Variants in SMOC2 observed in about 807,000 individuals in gnomAD.
SMOC2 encodes the protein SPARC-related modular calcium-binding protein 2.
In SMOC2, 39 loss-of-function variants were observed where a neutral mutation model predicts 61.4. That is an observed-to-expected ratio of 0.64 (90% CI 0.49 to 0.83). SMOC2 has a LOEUF of 0.83. SMOC2 is among the 40% of genes least tolerant of loss of function. SMOC2 has a pLI of 0.00. For synonymous variants in SMOC2, 247 were observed against 239.9 expected (o/e 1.03, Z -0.27); for missense variants, 556 against 592.9 (o/e 0.94, Z 0.65).
chr6:168,663,882 A>G (rs1405056857), intron 11 of SMOC2, among the ~76,000 whole-genome samples, 192 bp from the exon 12 acceptor site: 3 of 152,190 alleles, frequency 2.0e-5, no homozygotes, highest in Admixed American at 1.3e-4. Flanking sequence ...GGATTTTGAT[A>G]TGCAGGGGTC....
At chr6:168,594,728 A>G (rs1447912231) in intron 7 of SMOC2, among the ~76,000 whole-genome samples, 32 of 43,538 alleles carry the variant, frequency 7.3e-4, no homozygotes, top group Admixed American at 3.0e-3. Context: ...CTGAGGCCTC[A>G]CGGGCATCTT....
chr6:168,507,342 C>T (rs931174564), intron 1 of SMOC2, among the ~76,000 whole-genome samples: 3 of 152,168 alleles, frequency 2.0e-5, no homozygotes, highest in African/African-American at 7.2e-5. Flanking sequence ...ACGAAGGCAC[C>T]TGGGGCTCCT....
At chr6:168,447,919 GT>G (rs1781366143) in intron 1 of SMOC2, among the ~76,000 whole-genome samples, 1 of 151,960 alleles carries the variant, frequency 6.6e-6, no homozygotes, top group African/African-American at 2.4e-5. Context: ...TCAGTGATCA[GT>G]GAAGGCGCTA....
At chr6:168,595,681 A>G (rs1785311670) in intron 7 of SMOC2, among the ~76,000 whole-genome samples, 1 of 152,236 alleles carries the variant, frequency 6.6e-6, no homozygotes, top group Non-Finnish European at 1.5e-5. Context: ...GTAAAATTGC[A>G]TGGGTTAACA....
At chr6:168,512,767 G>A (rs1419680588) in intron 2 of SMOC2, among the ~76,000 whole-genome samples, 1 of 152,130 alleles carries the variant, frequency 6.6e-6, no homozygotes, top group Non-Finnish European at 1.5e-5. Context: ...GGGGACTCTG[G>A]AAAACCACTT....
At chr6:168,545,067 A>G (rs552335981) in intron 5 of SMOC2, among the ~76,000 whole-genome samples, 1 of 152,168 alleles carries the variant, frequency 6.6e-6, no homozygotes, top group Admixed American at 6.5e-5. Flanking sequence ...ATAGAGCAAT[A>G]GTGTGAGCTG....
At chr6:168,538,145 G>T (rs1180200850) in intron 4 of SMOC2, among the ~76,000 whole-genome samples, 1 of 149,784 alleles carries the variant, frequency 6.7e-6, no homozygotes, top group East Asian at 2.0e-4. Flanking sequence ...GGAATCTGGG[G>T]TGTGGGGTGA....
Position 168,608,228 on chromosome 6 carries a change from G to T in SMOC2, c.896G>T (p.Arg299Leu). 1 of 1,612,130 alleles carries T rather than the reference G, an allele frequency of 6.2e-7. No homozygotes were observed. The highest frequency in any genetic ancestry group is 1.7e-4 in the Middle Eastern group (1 of 6,054). The change falls in exon 9 of 13, where the codon CGC becomes CTC. Residue 299 changes from arginine (R) to leucine (L), a missense_variant. Transcript: ENST00000356284. ...PAKARDLYKG[R>L]QLQGCPGAKK... is the part of the protein sequence containing the mutation. ...AAAGCCCGGGACCTGTACAAGGGCC[G>T]CCAGCTACAAGGTGAGCAGCACCCG...
chr6:168,473,025 C>T (rs889938436), intron 1 of SMOC2, among the ~76,000 whole-genome samples: 1 of 152,138 alleles, frequency 6.6e-6, no homozygotes, highest in Non-Finnish European at 1.5e-5. Flanking sequence ...GGCCATTGCC[C>T]AACACTGCAA....
At chr6:168,546,075 A>G (rs1162777806) in intron 5 of SMOC2, among the ~76,000 whole-genome samples, 1 of 146,962 alleles carries the variant, frequency 6.8e-6, no homozygotes, top group Non-Finnish European at 1.5e-5. Flanking sequence ...TTTTTTTGAA[A>G]ATCTGTTTTG....
chr6:168,646,410 G>A (rs6931082), intron 9 of SMOC2, among the ~76,000 whole-genome samples: 24,101 of 152,196 alleles, frequency 0.16, 2,359 homozygotes, highest in African/African-American at 0.26. Flanking sequence ...TCCAGGTTAC[G>A]GGAAGGAAGC....
At chr6:168,627,142 G>A (rs1786434263) in intron 9 of SMOC2, among the ~76,000 whole-genome samples, 1 of 152,168 alleles carries the variant, frequency 6.6e-6, no homozygotes. Flanking sequence ...GCTCCTGATA[G>A]GCCAGCATGT....
At chr6:168,498,324 C>G (rs1782641027) in intron 1 of SMOC2, among the ~76,000 whole-genome samples, 1 of 152,188 alleles carries the variant, frequency 6.6e-6, no homozygotes, top group South Asian at 2.1e-4. Flanking sequence ...GAGCAAGAGC[C>G]TCAGAAAAGA....
intron 9 of SMOC2, 145 bp downstream of exon 9, chr6:168,608,384 C>T: frequency 2.2e-6 from 2 of 913,604 alleles, no homozygotes; most frequent in South Asian, 3.5e-5. Flanking sequence ...TGCAGAGGGC[C>T]CTGAGTCCAG....
intron 7 of SMOC2, among the ~76,000 whole-genome samples, chr6:168,551,669 G>T (rs1240326528): frequency 6.6e-6 from 1 of 152,108 alleles, no homozygotes; most frequent in Non-Finnish European, 1.5e-5. Flanking sequence ...AGCCAGGCTT[G>T]TCTCAAACTC....
chr6:168,618,631 T>G, intron 9 of SMOC2, among the ~76,000 whole-genome samples: 1 of 151,082 alleles, frequency 6.6e-6, no homozygotes, highest in Admixed American at 6.6e-5. Context: ...AAGAGGCGAG[T>G]CAAGGAGAGG....
intron 1 of SMOC2, among the ~76,000 whole-genome samples, chr6:168,509,702 G>A (rs1051543014): frequency 3.3e-5 from 5 of 152,200 alleles, no homozygotes; most frequent in African/African-American, 9.7e-5. Context: ...TATTGATGTA[G>A]AGAACTTCCA....
intron 2 of SMOC2, among the ~76,000 whole-genome samples, chr6:168,525,223 C>T (rs1008538627): frequency 2.0e-5 from 3 of 152,330 alleles, no homozygotes; most frequent in African/African-American, 7.2e-5. Flanking sequence ...TCCGGGGAGG[C>T]GGCCCATGGC....
chr6:168,644,297 C>T (rs903149695), intron 9 of SMOC2, among the ~76,000 whole-genome samples: 6 of 152,214 alleles, frequency 3.9e-5, no homozygotes, highest in Admixed American at 3.9e-4. Context: ...GGCTGCCACT[C>T]AGAGGCTCAA....
Sources: gnomAD v4.1 joint callset for allele counts (sites outside exome capture counted in the v4.1 genomes callset) on GRCh38, gnomAD v4.1.1 for gene constraint, MANE v1.5 for transcripts, NCBI Gene and HGNC (gene_info 2026-07-23, HGNC 2026-07-21) for gene names.